PTPRK: variants seen among roughly 807,000 people sequenced by gnomAD.
The protein encoded by PTPRK is receptor-type tyrosine-protein phosphatase kappa.
In PTPRK, 75 loss-of-function variants were observed where a neutral mutation model predicts 178.0. The ratio of observed to expected loss-of-function variants is 0.42; its 90% CI spans 0.35 to 0.51. PTPRK has a LOEUF of 0.51. Ranked by LOEUF, PTPRK falls within the 20% of genes least tolerant of loss-of-function variation. The pLI is 0.02. For synonymous variants in PTPRK, 637 were observed against 620.6 expected (o/e 1.03, Z -0.39); for missense variants, 1,441 against 1,797.8 (o/e 0.80, Z 3.59).
intron 2 of PTPRK, among the ~76,000 whole-genome samples, chr6:128,355,493 T>A (rs1369714336): frequency 6.6e-6 from 1 of 152,194 alleles, no homozygotes; most frequent in Non-Finnish European, 1.5e-5. Context: ...AAATAGCCTC[T>A]CTTTACCGAA....
chr6:128,159,275 A>C lies in PTPRK; in HGVS notation c.1162+25157T>G, dbSNP rs138076124. On this transcript the variant is annotated intron_variant, in intron 7 of 29. Transcript: ENST00000368226. ...ATTCAATATTAGGTGTAATTCCAAA[A>C]GGATATAGCAAGTTTCAAGATTCAA... Among the ~76,000 whole-genome samples, 846 of 152,006 alleles carry C rather than the reference A, an allele frequency of 5.6e-3. 5 individuals carry two copies. Among genetic ancestry groups the C allele is most frequent in the Middle Eastern group, 0.024 (7 of 294 alleles).
intron 7 of PTPRK, among the ~76,000 whole-genome samples, chr6:128,169,551 AT>A (rs1294147106): frequency 6.6e-6 from 1 of 151,950 alleles, no homozygotes; most frequent in Non-Finnish European, 1.5e-5. Context: ...TACCCATACA[AT>A]TATTTCCTGA....
chr6:128,486,757 G>A (rs1852960796), intron 1 of PTPRK, among the ~76,000 whole-genome samples: 1 of 151,632 alleles, frequency 6.6e-6, no homozygotes, highest in Non-Finnish European at 1.5e-5. Flanking sequence ...CAGCCTGGGT[G>A]ATAGAGGCAG....
chr6:128,212,813 AT>A (rs1808457766), intron 6 of PTPRK, among the ~76,000 whole-genome samples: 1 of 152,092 alleles, frequency 6.6e-6, no homozygotes. Flanking sequence ...TCGCATTTTT[AT>A]TTTAAAAACA....
At chr6:128,072,232 G>C (rs1782955305) in intron 11 of PTPRK, among the ~76,000 whole-genome samples, 1 of 151,810 alleles carries the variant, frequency 6.6e-6, no homozygotes, top group African/African-American at 2.4e-5. Flanking sequence ...CACAAAATGT[G>C]ACTTCCTTAT....
At chr6:128,304,570 T>A (rs1444955162) in intron 3 of PTPRK, among the ~76,000 whole-genome samples, 1 of 152,148 alleles carries the variant, frequency 6.6e-6, no homozygotes, top group Non-Finnish European at 1.5e-5. Context: ...TTCTTATGAG[T>A]CTCTAAAATC....
At chr6:128,398,081 G>A (rs1001330760) in intron 1 of PTPRK, among the ~76,000 whole-genome samples, 6 of 152,180 alleles carry the variant, frequency 3.9e-5, no homozygotes, top group Non-Finnish European at 8.8e-5. Context: ...AGGAAAGAAT[G>A]AAGTAACGAA....
Position 128,170,957 on chromosome 6 carries a change from C to T in PTPRK, c.1162+13475G>A, listed in dbSNP as rs146093030. On this transcript the variant is annotated intron_variant, in intron 7 of 29. Transcript: ENST00000368226. ...TTGTGCAGTGATGCATATGGATACA[C>T]GTGCAAATACACAGTTTAGAAAATA... Among the ~76,000 whole-genome samples the T allele has an allele frequency of 1.5e-3, 227 of 150,824 alleles. 2 individuals carry two copies. The highest frequency in any genetic ancestry group is 5.1e-3 in the African/African-American group (212 of 41,198).
At position 128,218,936 on chromosome 6, in the gene PTPRK, T is replaced by A; in HGVS notation, c.854A>T (p.Gln285Leu). 6.2e-7 allele frequency: 1 copy of A among 1,612,096 alleles called. No individual in the cohort carries two copies. The highest frequency in any genetic ancestry group is 8.5e-7 in the Non-Finnish European group (1 of 1,178,916). The change falls in exon 6 of 30, where the codon CAA (glutamine) becomes CTA (leucine). Residue 285 changes from glutamine (Q) to leucine (L), a missense_variant. Transcript: ENST00000368226. ...TTTCACCTTACCTCTCACAATAAGT[T>A]GAGCAAAATTGGACACACCGGAACC... is the stretch of plus-strand genomic sequence containing the variant. ...ERGSGVSNFA[Q>L]LIVREPPRPI...
At chr6:128,269,029 T>G (rs1819381446) in intron 3 of PTPRK, among the ~76,000 whole-genome samples, 1 of 152,030 alleles carries the variant, frequency 6.6e-6, no homozygotes, top group South Asian at 2.1e-4. Context: ...GTCTTATCAT[T>G]GGCTTTCCAC....
At chr6:128,079,634 C>G (rs184526173) in intron 10 of PTPRK, among the ~76,000 whole-genome samples, 54 of 152,022 alleles carry the variant, frequency 3.6e-4, no homozygotes, top group Non-Finnish European at 6.0e-4. Flanking sequence ...AGTATATACT[C>G]AATGAAATGT....
chr6:128,408,256 C>T (rs141295187), intron 1 of PTPRK, among the ~76,000 whole-genome samples: 6,972 of 152,074 alleles, frequency 0.046, 573 homozygotes, highest in African/African-American at 0.16. Context: ...GGCGTGGTGG[C>T]GGGCGCCTGT....
At chr6:128,009,045 A>C (rs1778756199) in intron 14 of PTPRK, 85 bp downstream of exon 14, 2 of 1,303,322 alleles carry the variant, frequency 1.5e-6, no homozygotes, top group Non-Finnish European at 2.1e-6. Context: ...GTTTGTTCTA[A>C]TTTAAAGGAT....
At position 128,292,222 on chromosome 6, in the gene PTPRK, A is replaced by G. The variant is rs118094941; in HGVS notation, c.495+29817T>C. Reference sequence around the variant, plus strand: ...TAAAACAAATATCAGTAAAACTTACATGAATAAGTTTTAGATAATTCTGTA... The same window carrying G: ...TAAAACAAATATCAGTAAAACTTACGTGAATAAGTTTTAGATAATTCTGTA... On this transcript the variant is annotated intron_variant, in intron 3 of 29. Transcript: ENST00000368226. 1.8e-3 allele frequency among the ~76,000 whole-genome samples: 279 copies of G among 152,240 alleles called. 11 individuals are homozygous for G. The East Asian group carries it at 0.049, about 27-fold the overall frequency.
intron 7 of PTPRK, among the ~76,000 whole-genome samples, chr6:128,134,329 G>A (rs1794702404): frequency 6.6e-6 from 1 of 152,080 alleles, no homozygotes; most frequent in South Asian, 2.1e-4. Context: ...CTTTTCTAGA[G>A]AGATTTGTTA....
chr6:128,135,078 T>TTACACACA (rs1554309214), intron 7 of PTPRK, among the ~76,000 whole-genome samples: 19 of 136,380 alleles, frequency 1.4e-4, no homozygotes, highest in African/African-American at 5.4e-4. Flanking sequence ...AATCATTCAA[T>TTACACACA]CACACACACA....
At chr6:128,011,182 G>A (rs879600505) in intron 13 of PTPRK, among the ~76,000 whole-genome samples, 1 of 151,150 alleles carries the variant, frequency 6.6e-6, no homozygotes, top group Admixed American at 6.6e-5. Context: ...CAAATAGGAA[G>A]AGAAACAGAA....
At chr6:128,445,929 G>C (rs955935141) in intron 1 of PTPRK, among the ~76,000 whole-genome samples, 1 of 152,088 alleles carries the variant, frequency 6.6e-6, no homozygotes, top group East Asian at 1.9e-4. Flanking sequence ...CAAGTATATA[G>C]ACCTAACATG....
intron 2 of PTPRK, among the ~76,000 whole-genome samples, chr6:128,392,106 C>A (rs1252218174): frequency 6.6e-6 from 1 of 152,132 alleles, no homozygotes; most frequent in Admixed American, 6.6e-5. Flanking sequence ...CACCCCTACC[C>A]CTTTCTGTAT....
Sources: gnomAD v4.1 joint callset for allele counts (sites outside exome capture counted in the v4.1 genomes callset) on GRCh38, gnomAD v4.1.1 for gene constraint, MANE v1.5 for transcripts, NCBI Gene and HGNC (gene_info 2026-07-23, HGNC 2026-07-21) for gene names.